The following GSTCD variants were observed in gnomAD, a reference collection of about 807,000 sequenced individuals.
The protein encoded by GSTCD is glutathione S-transferase C-terminal domain containing.
A neutral mutation model predicts 68.3 loss-of-function variants in GSTCD; 44 were observed. That is an observed-to-expected ratio of 0.64 (90% CI 0.51 to 0.83). The LOEUF (loss-of-function observed/expected upper bound fraction) is 0.83, where lower values mean the gene tolerates loss of function less well. Ranked by LOEUF, GSTCD falls within the 40% of genes least tolerant of loss-of-function variation. GSTCD has a pLI of 0.00. For synonymous variants in GSTCD, 273 were observed against 255.2 expected, an observed-to-expected ratio of 1.07 and a Z score of -0.67; for missense variants, 739 against 735.9, an observed-to-expected ratio of 1.00 and a Z score of -0.05.
At chr4:105,759,203 T>A (rs577712785) in intron 5 of GSTCD, among the ~76,000 whole-genome samples, 2 of 152,296 alleles carry the variant, frequency 1.3e-5, no homozygotes, top group East Asian at 3.9e-4. Flanking sequence ...GCCTGAGCTC[T>A]ATGAGTCAGC....
intron 5 of GSTCD, among the ~76,000 whole-genome samples, chr4:105,731,814 A>C (rs1733252558): frequency 6.6e-6 from 1 of 152,184 alleles, no homozygotes; most frequent in African/African-American, 2.4e-5. Context: ...ATTCAGTATG[A>C]TATTGGCTGT....
intron 5 of GSTCD, among the ~76,000 whole-genome samples, chr4:105,767,689 A>G (rs1734673597): frequency 6.6e-6 from 1 of 152,232 alleles, no homozygotes; most frequent in Admixed American, 6.5e-5. Flanking sequence ...AACAAAAACT[A>G]TAAGCCTGTG....
chr4:105,758,530 C>G (rs1332514742), intron 5 of GSTCD, among the ~76,000 whole-genome samples: 1 of 152,232 alleles, frequency 6.6e-6, no homozygotes, highest in Non-Finnish European at 1.5e-5. Context: ...CCTTTGCCTT[C>G]TGCCATAAAT....
intron 5 of GSTCD, among the ~76,000 whole-genome samples, chr4:105,752,307 T>C (rs563923072): frequency 2.0e-5 from 3 of 152,138 alleles, no homozygotes; most frequent in African/African-American, 4.8e-5. Flanking sequence ...TTCTCATTAT[T>C]ATGTTATGCT....
chr4:105,722,191 C>G (rs956955244), intron 3 of GSTCD, among the ~76,000 whole-genome samples: 1 of 152,066 alleles, frequency 6.6e-6, no homozygotes, highest in Non-Finnish European at 1.5e-5. Flanking sequence ...CACACACACA[C>G]AGACATCTTT....
At chr4:105,835,339 G>T (rs1431128744) in intron 9 of GSTCD, among the ~76,000 whole-genome samples, 1 of 152,174 alleles carries the variant, frequency 6.6e-6, no homozygotes, top group Non-Finnish European at 1.5e-5. Flanking sequence ...GCCAGGTACA[G>T]AGTGGTGAGG....
intron 5 of GSTCD, among the ~76,000 whole-genome samples, chr4:105,794,464 G>T (rs1387495781): frequency 1.3e-5 from 2 of 151,992 alleles, no homozygotes; most frequent in African/African-American, 2.4e-5. Flanking sequence ...TACCACTGTG[G>T]TTCATGATGC....
chr4:105,747,815 C>G (rs1372874006), intron 5 of GSTCD, among the ~76,000 whole-genome samples: 3 of 151,874 alleles, frequency 2.0e-5, no homozygotes, highest in East Asian at 1.9e-4. Context: ...CTTTACCACA[C>G]TAGATGAGAC....
intron 5 of GSTCD, among the ~76,000 whole-genome samples, chr4:105,758,047 A>G (rs1222558817): frequency 2.0e-5 from 3 of 152,306 alleles, no homozygotes; most frequent in African/African-American, 4.8e-5. Context: ...TCACATGGTT[A>G]TAGTGTTTGC....
intron 5 of GSTCD, among the ~76,000 whole-genome samples, chr4:105,789,130 T>C (rs1735570454): frequency 6.6e-6 from 1 of 152,184 alleles, no homozygotes; most frequent in Admixed American, 6.5e-5. Flanking sequence ...TTTCTCTTTT[T>C]TGCCTTTGCA....
At chr4:105,788,016 T>G (rs1318868917) in intron 5 of GSTCD, among the ~76,000 whole-genome samples, 2 of 152,094 alleles carry the variant, frequency 1.3e-5, no homozygotes, top group Non-Finnish European at 2.9e-5. Context: ...CTGAATTTCT[T>G]TACAGGTTTT....
chr4:105,786,259 C>T (rs1472360952), intron 5 of GSTCD, among the ~76,000 whole-genome samples: 1 of 152,094 alleles, frequency 6.6e-6, no homozygotes, highest in African/African-American at 2.4e-5. Context: ...CCTGTAAATC[C>T]TAGCACTTTC....
At chr4:105,743,074 C>T (rs12498697) in intron 5 of GSTCD, among the ~76,000 whole-genome samples, 9 of 151,854 alleles carry the variant, frequency 5.9e-5, no homozygotes, top group East Asian at 1.9e-4. Context: ...CTCAGCCTCC[C>T]GAGTAGCTGG....
chr4:105,766,226 G>C (rs959108851), intron 5 of GSTCD, among the ~76,000 whole-genome samples: 1 of 152,178 alleles, frequency 6.6e-6, no homozygotes, highest in Non-Finnish European at 1.5e-5. Flanking sequence ...TGAAACCCAG[G>C]AGCTGAGGTC....
At chr4:105,711,915 G>A (rs1056133747) in intron 1 of GSTCD, among the ~76,000 whole-genome samples, 2 of 152,140 alleles carry the variant, frequency 1.3e-5, no homozygotes, top group African/African-American at 2.4e-5. Flanking sequence ...TATGAGTTTG[G>A]TTAGATTCCA....
At chr4:105,800,153 T>TGG (rs1332185915) in intron 5 of GSTCD, among the ~76,000 whole-genome samples, 3 of 152,118 alleles carry the variant, frequency 2.0e-5, no homozygotes, top group Non-Finnish European at 4.4e-5. Flanking sequence ...TTAATGGACT[T>TGG]GCAGTTATAC....
chr4:105,831,599 G>T (rs1420647482), intron 8 of GSTCD, among the ~76,000 whole-genome samples: 1 of 152,052 alleles, frequency 6.6e-6, no homozygotes, highest in Non-Finnish European at 1.5e-5. Flanking sequence ...TTTTGTTTGT[G>T]TGTTCACATC....
Position 105,756,695 on chromosome 4 carries a change from C to G in GSTCD, c.1240+27196C>G, listed in dbSNP as rs572183467. 9.9e-5 allele frequency among the ~76,000 whole-genome samples: 15 copies of G among 151,940 alleles called. No homozygotes were observed. In the South Asian group the frequency reaches 3.1e-3, roughly 32 times the overall value. ...AGTTGAGTAGCCAACGCAGATCAACCTTCAAAGCAGAGAGCAGGTTAAATT... is the reference window on the plus strand; with the variant it reads ...AGTTGAGTAGCCAACGCAGATCAACGTTCAAAGCAGAGAGCAGGTTAAATT... On this transcript the variant is annotated intron_variant, in intron 5 of 11. Coordinates refer to ENST00000515279, the MANE Select transcript of GSTCD (RefSeq NM_001370181.1).
intron 5 of GSTCD, among the ~76,000 whole-genome samples, chr4:105,734,815 C>G (rs1733398379): frequency 6.6e-6 from 1 of 152,102 alleles, no homozygotes; most frequent in African/African-American, 2.4e-5. Context: ...GTGGTTTTAT[C>G]TCCCTTTGGT....
Sources: gnomAD v4.1 joint callset for allele counts (sites outside exome capture counted in the v4.1 genomes callset) on GRCh38, gnomAD v4.1.1 for gene constraint, MANE v1.5 for transcripts, NCBI Gene and HGNC (gene_info 2026-07-23, HGNC 2026-07-21) for gene names.